TMPPE: variants seen among roughly 807,000 people sequenced by gnomAD.
TMPPE encodes transmembrane protein with metallophosphoesterase domain.
Under a neutral mutation model 22.6 loss-of-function variants are expected in TMPPE, and 16 were observed. The ratio of observed to expected loss-of-function variants is 0.71; its 90% confidence interval spans 0.48 to 1.08. The LOEUF is 1.08. TMPPE is among the 50% of genes least tolerant of loss of function. TMPPE has a pLI of 0.00. For synonymous variants in TMPPE, 240 were observed against 245.3 expected (o/e 0.98, Z 0.20); for missense variants, 526 against 584.3 (o/e 0.90, Z 1.03).
Position 33,091,667 on chromosome 3 carries a change from T to C in TMPPE, c.*1167A>G. On this transcript the variant is annotated 3_prime_UTR_variant, in exon 2 of 2. Transcript: ENST00000342462. ...ATAATTATCCCCATTTTAGGGTTGA[T>C]GGAAACCAAGGCTGAGTGAGGGAAA... The C allele has an allele frequency of 5.1e-6, 5 of 985,216 alleles. No homozygotes were observed. The highest frequency in any genetic ancestry group is 6.0e-6 in the Non-Finnish European group (5 of 829,720). 61.0% of individuals were successfully genotyped at this position (985,216 alleles called of 1,614,324 possible). A position where few individuals can be genotyped will look rare whatever the true frequency, so the allele number is the denominator to read the frequency against.
In TMPPE at chr3:33,093,704, G is replaced by A; in HGVS notation, c.492C>T (p.Leu164=). Reference sequence around the variant, plus strand: ...TCACTCCCACTGCCAGGGCAGGCCTGAGCACGAGCTTCCTTGTCTTCTCAA... The same window carrying A: ...TCACTCCCACTGCCAGGGCAGGCCTAAGCACGAGCTTCCTTGTCTTCTCAA... The part of the protein sequence containing the change: ...GSLEKTRKLV[L]RPALAVGVTA... The change falls in exon 2 of 2, where the codon CTC becomes CTT. Residue 164 remains leucine (L), a synonymous_variant. Coordinates refer to ENST00000342462, the MANE Select transcript of TMPPE (RefSeq NM_001039770.3). This position sits in a 1 kb window ranked among gnomAD's most constrained non-coding sequence, Gnocchi z 6.0. 8 of 1,614,184 alleles carry A rather than the reference G, an allele frequency of 5.0e-6. No individual in the cohort carries two copies. Among genetic ancestry groups the A allele is most frequent in the East Asian group, 2.2e-5 (1 of 44,880 alleles).
rs992755520 is a variant in TMPPE, at chr3:33,093,351, G to A, written c.845C>T (p.Thr282Met). 5.6e-6 allele frequency: 9 copies of A among 1,614,170 alleles called. No homozygotes were observed. The highest frequency in any genetic ancestry group is 1.3e-5 in the African/African-American group (1 of 75,030). ...YFVTGNHEYY[T>M]SDVSNWFALL... The stretch of plus-strand genomic sequence containing the variant: ...TGCAAACCAGTTGCTGACATCTGAC[G>A]TGTAGTACTCATGATTGCCTGTGAC... The change falls in exon 2 of 2, where the codon ACG becomes ATG. Residue 282 changes from threonine (T) to methionine (M), a missense_variant. Transcript: ENST00000342462. This position sits in a 1 kb window ranked among gnomAD's most constrained non-coding sequence, Gnocchi z 6.0.
In TMPPE at chr3:33,093,186, A is replaced by G. The variant is rs763355544; in HGVS notation, c.1010T>C (p.Ile337Thr). Residue 337 changes from isoleucine to threonine, a missense_variant, in exon 2 of 2, where the codon ATT becomes ACT. Transcript: ENST00000342462. The surrounding 1 kb of genome is among the most constrained non-coding windows in gnomAD (Gnocchi z 6.0). The stretch of plus-strand genomic sequence containing the variant: ...AGAGTAGTGCAGGATGTCTGCTTCA[A>G]TATCGTCCACCCCAGCCAAGCAGAT... Reference protein sequence around the residue: ...DWICLAGVDDIEADILHYSGH... With the variant: ...DWICLAGVDDTEADILHYSGH... 1.9e-6 allele frequency: 3 copies of G among 1,614,028 alleles called. No individual in the cohort carries two copies. Among genetic ancestry groups the G allele is most frequent in the Admixed American group, 3.3e-5 (2 of 60,008 alleles).
intron 1 of TMPPE, among the ~76,000 whole-genome samples, chr3:33,096,007 G>GGTT (rs1701009114): frequency 6.6e-6 from 1 of 152,190 alleles, no homozygotes; most frequent in Non-Finnish European, 1.5e-5. Flanking sequence ...GTTCAATCTT[G>GGTT]GTTGTAGATA....
At chr3:33,094,441 T>C in intron 1 of TMPPE, 138 bp from the exon 2 acceptor site, 1 of 1,073,134 alleles carries the variant, frequency 9.3e-7, no homozygotes, top group Non-Finnish European at 1.2e-6. Context: ...CTAGCTATAC[T>C]TTATTATTCA....
rs1700849612 is a variant in TMPPE, at chr3:33,093,271, C to T, written c.925G>A (p.Ala309Thr). 5.6e-6 allele frequency: 9 copies of T among 1,614,140 alleles called. No individual in the cohort carries two copies. The highest frequency in any genetic ancestry group is 2.2e-5 in the East Asian group (1 of 44,878). Residue 309 changes from alanine to threonine, a missense_variant, in exon 2 of 2, where the codon GCC (alanine) becomes ACC (threonine). Transcript: ENST00000342462. The surrounding 1 kb of genome is among the most constrained non-coding windows in gnomAD (Gnocchi z 6.0). The stretch of plus-strand genomic sequence containing the variant: ...CCACCACCACGTTGGGCCCGTGTGG[C>T]GGAAATCTTCACGTTCTCATTATGA... ...PLHNENVKIS[A>T]TRAQRGGGGS...
In TMPPE at chr3:33,093,637, G is replaced by C; in HGVS notation, c.559C>G (p.Pro187Ala). Residue 187 changes from proline (P) to alanine (A), a missense_variant, in exon 2 of 2, where the codon CCC becomes GCC. Transcript: ENST00000342462. The surrounding 1 kb of genome is among the most constrained non-coding windows in gnomAD (Gnocchi z 6.0). ...SVAGILNAAQ[P>A]PAVKTVEVPI... ...ACCTCCACAGTTTTCACAGCCGGGG[G>C]CTGCGCGGCATTCAGAATCCCGGCC... 3 of 1,614,158 alleles carry C rather than the reference G, an allele frequency of 1.9e-6. No homozygotes were observed. The highest frequency in any genetic ancestry group is 2.5e-6 in the Non-Finnish European group (3 of 1,180,032).
At chr3:33,094,797 A>C (rs975635002) in intron 1 of TMPPE, among the ~76,000 whole-genome samples, 10 of 152,258 alleles carry the variant, frequency 6.6e-5, no homozygotes, top group African/African-American at 2.4e-4. Flanking sequence ...AGAGATTTGC[A>C]GAAATGTAAA....
chr3:33,091,855 A>T lies in TMPPE; in HGVS notation c.*979T>A. 1.0e-6 allele frequency: 1 copy of T among 985,406 alleles called. No individual in the cohort carries two copies. The highest frequency in any genetic ancestry group is 1.2e-6 in the Non-Finnish European group (1 of 829,950). 61.0% of individuals were successfully genotyped at this position (985,406 alleles called of 1,614,324 possible). A position where few individuals can be genotyped will look rare whatever the true frequency, so the allele number is the denominator to read the frequency against. ...TCTTCTCAGTGAGGCCTTTTCTAAC[A>T]CGGGTGCTTATCTCCATCTCAGGAT... On this transcript the variant is annotated 3_prime_UTR_variant, in exon 2 of 2. Transcript: ENST00000342462.
In TMPPE at chr3:33,093,308, A is replaced by T; in HGVS notation, c.888T>A (p.His296Gln). 1 of 1,614,222 alleles carries T rather than the reference A, an allele frequency of 6.2e-7. No individual in the cohort carries two copies. The highest frequency in any genetic ancestry group is 8.5e-7 in the Non-Finnish European group (1 of 1,180,036). ...CGTTCTCATTATGAAGAGGCTGGAC[A>T]TGCAGGGATTCCAGAAGTGCAAACC... Reference protein sequence around the residue: ...SNWFALLESLHVQPLHNENVK... With the variant: ...SNWFALLESLQVQPLHNENVK... The change falls in exon 2 of 2, where the codon CAT (histidine) becomes CAA (glutamine). Residue 296 changes from histidine (H) to glutamine (Q), a missense_variant. His to Gln is a conservative substitution (Grantham distance 24). Coordinates refer to ENST00000342462, the MANE Select transcript of TMPPE (RefSeq NM_001039770.3). The surrounding 1 kb of genome is among the most constrained non-coding windows in gnomAD (Gnocchi z 6.0).
intron 1 of TMPPE, chr3:33,096,343 T>C (rs901949393): frequency 3.8e-5 from 37 of 969,888 alleles, no homozygotes; most frequent in Non-Finnish European, 3.4e-5. Flanking sequence ...CCTCACCTAT[T>C]CGCCTCGCCA....
chr3:33,096,507 A>C (rs1182302890), intron 1 of TMPPE: 1 of 985,150 alleles, frequency 1.0e-6, no homozygotes, highest in Admixed American at 6.2e-5. Flanking sequence ...AAGGAACAAG[A>C]TGCACGAAGA....
chr3:33,092,642 G>A lies in TMPPE; in HGVS notation c.*192C>T. 2.2e-6 allele frequency: 3 copies of A among 1,370,316 alleles called. No individual in the cohort carries two copies. Among genetic ancestry groups the A allele is most frequent in the Non-Finnish European group, 2.8e-6 (3 of 1,063,066 alleles). 84.9% of individuals were successfully genotyped at this position (1,370,316 alleles called of 1,614,324 possible). On this transcript the variant is annotated 3_prime_UTR_variant, in exon 2 of 2. Coordinates refer to ENST00000342462, the MANE Select transcript of TMPPE (RefSeq NM_001039770.3). Reference sequence around the variant, plus strand: ...GCATCAAAAAAAGCAACTGGCCAAGGAAATAGTTAAACCAGCCTGAACATG... The same window carrying A: ...GCATCAAAAAAAGCAACTGGCCAAGAAAATAGTTAAACCAGCCTGAACATG...
chr3:33,094,120 C>T lies in TMPPE; in HGVS notation c.76G>A (p.Ala26Thr), dbSNP rs150617227. 2.6e-4 allele frequency: 418 copies of T among 1,613,978 alleles called. No homozygotes were observed. The highest frequency in any genetic ancestry group is 3.2e-4 in the Non-Finnish European group (383 of 1,179,962). ...AAVTVFVSMIASRSYLAESLE... is the reference protein window; with the variant it reads ...AAVTVFVSMITSRSYLAESLE... ...CTCTCTGCCAGATACGAGCGGGAGG[C>T]GATCATGGACACGAAGACAGTGACA... Residue 26 changes from alanine (A) to threonine (T), a missense_variant, in exon 2 of 2, where the codon GCC (alanine) becomes ACC (threonine). Coordinates refer to ENST00000342462, the MANE Select transcript of TMPPE (RefSeq NM_001039770.3).
intron 1 of TMPPE, 123 bp downstream of exon 1, chr3:33,096,596 G>A (rs1421236840): frequency 1.9e-6 from 2 of 1,040,706 alleles, no homozygotes; most frequent in Non-Finnish European, 2.3e-6. Context: ...TCCTTCCGGA[G>A]CGCTCCGCAG....
At position 33,096,880 on chromosome 3, in the gene TMPPE, G is replaced by A; in HGVS notation, c.-270C>T. ...ACTGCCTGCGTTCCGCCGGCCGCGA[G>A]CCTGCTGGGGGGCACTTCGGGGCTC... On this transcript the variant is annotated 5_prime_UTR_variant, in exon 1 of 2. Coordinates refer to ENST00000342462, the MANE Select transcript of TMPPE (RefSeq NM_001039770.3). 2.8e-6 allele frequency: 4 copies of A among 1,443,266 alleles called. No homozygotes were observed. The highest frequency in any genetic ancestry group is 2.7e-6 in the Non-Finnish European group (3 of 1,096,760). The allele number at this position is 1,443,266 out of a possible 1,614,324, so 89.4% of individuals were successfully genotyped here. A position where few individuals can be genotyped will look rare whatever the true frequency, so the allele number is the denominator to read the frequency against.
In TMPPE at chr3:33,093,615, T is replaced by C; in HGVS notation, c.581A>G (p.Glu194Gly). 1 of 1,614,120 alleles carries C rather than the reference T, an allele frequency of 6.2e-7. No individual in the cohort carries two copies. Among genetic ancestry groups the C allele is most frequent in the South Asian group, 1.1e-5 (1 of 91,076 alleles). ...AAQPPAVKTV[E>G]VPIHQLPASM... is the part of the protein sequence containing the mutation. ...GGCAGGCAGCTGATGGATGGGCACC[T>C]CCACAGTTTTCACAGCCGGGGGCTG... Residue 194 changes from glutamate to glycine, a missense_variant, in exon 2 of 2, where the codon GAG (glutamate) becomes GGG (glycine). Transcript: ENST00000342462. The surrounding 1 kb of genome is among the most constrained non-coding windows in gnomAD (Gnocchi z 6.0).
At chr3:33,095,874 C>T (rs1261494399) in intron 1 of TMPPE, among the ~76,000 whole-genome samples, 2 of 152,206 alleles carry the variant, frequency 1.3e-5, no homozygotes, top group Non-Finnish European at 2.9e-5. Flanking sequence ...GACAAGAAAA[C>T]TCTGTCTACA....
Position 33,091,418 on chromosome 3 carries a change from A to AGGCAGCTG in TMPPE, c.*1415_*1416insCAGCTGCC. On this transcript the variant is annotated 3_prime_UTR_variant, in exon 2 of 2. Coordinates refer to ENST00000342462, the MANE Select transcript of TMPPE (RefSeq NM_001039770.3). ...CCCCTAGCAGTTGCTGCTTTGACAC[A>AGGCAGCTG]TCACCTGCCCCAGCAGCAGGCAGCT... 1 of 985,522 alleles carries AGGCAGCTG rather than the reference A, an allele frequency of 1.0e-6. No individual in the cohort carries two copies. The highest frequency in any genetic ancestry group is 1.2e-6 in the Non-Finnish European group (1 of 830,008). The allele number at this position is 985,522 out of a possible 1,614,324, so 61.0% of individuals were successfully genotyped here. A position where few individuals can be genotyped will look rare whatever the true frequency, so the allele number is the denominator to read the frequency against.
Sources: gnomAD v4.1 joint callset for allele counts (sites outside exome capture counted in the v4.1 genomes callset) on GRCh38, gnomAD v4.1.1 for gene constraint, Gnocchi (gnomAD v3.1) non-coding constraint, MANE v1.5 for transcripts, NCBI Gene and HGNC (gene_info 2026-07-23, HGNC 2026-07-21) for gene names.